SAMD3: variants seen among roughly 807,000 people sequenced by gnomAD.
The protein encoded by SAMD3 is sterile alpha motif domain containing 3.
A neutral mutation model predicts 58.5 loss-of-function variants in SAMD3; 63 were observed. That is an observed-to-expected ratio of 1.08 (90% CI 0.88 to 1.33). SAMD3 has a LOEUF of 1.33. SAMD3 is among the 40% of genes most tolerant of loss of function. The pLI is 0.00. For missense variants in SAMD3, 604 were observed against 608.4 expected (o/e 0.99, Z 0.08); for synonymous variants, 220 against 210.3 (o/e 1.05, Z -0.40).
intron 9 of SAMD3, among the ~76,000 whole-genome samples, chr6:130,152,790 G>T (rs935909088): frequency 1.3e-5 from 2 of 152,116 alleles, no homozygotes; most frequent in African/African-American, 4.8e-5. Context: ...AATACTTGAG[G>T]AATGGTGCGG....
intron 8 of SAMD3, among the ~76,000 whole-genome samples, chr6:130,164,362 T>C (rs1285932094): frequency 1.3e-5 from 2 of 152,198 alleles, no homozygotes; most frequent in East Asian, 3.8e-4. Flanking sequence ...TTTCCTATGT[T>C]CTAAGTGTTC....
intron 2 of SAMD3, among the ~76,000 whole-genome samples, chr6:130,262,043 A>G (rs1383053488): frequency 1.3e-5 from 2 of 149,846 alleles, no homozygotes; most frequent in African/African-American, 5.1e-5. Context: ...AGTCAAAGAG[A>G]GATATATACA....
intron 1 of SAMD3, among the ~76,000 whole-genome samples, chr6:130,360,811 G>A (rs1191141641): frequency 6.6e-6 from 1 of 152,120 alleles, no homozygotes; most frequent in East Asian, 1.9e-4. Flanking sequence ...CACCCAAGGG[G>A]GCCATTTTAG....
chr6:130,332,600 T>C (rs4897412), intron 1 of SAMD3, among the ~76,000 whole-genome samples: 74,003 of 152,112 alleles, frequency 0.49, 22,112 homozygotes, highest in African/African-American at 0.85. Context: ...AGAAAAGTGA[T>C]GGTTGGATTT....
chr6:130,162,355 G>A (rs1043087247), intron 8 of SAMD3: 9 of 686,752 alleles, frequency 1.3e-5, no homozygotes, highest in East Asian at 8.1e-5. Context: ...GTAGTAAGAC[G>A]GCATGGTTAA....
intron 4 of SAMD3, 122 bp downstream of exon 4, chr6:130,214,215 T>A (rs958930739): frequency 1.4e-6 from 1 of 727,094 alleles, no homozygotes. Context: ...AGAAATACCG[T>A]ACATACAATC....
At chr6:130,148,390 G>A (rs896889266) in intron 9 of SAMD3, among the ~76,000 whole-genome samples, 10 of 152,180 alleles carry the variant, frequency 6.6e-5, no homozygotes, top group Non-Finnish European at 1.5e-4. Flanking sequence ...ACAGACTGCC[G>A]TGCCCTCTTG....
At chr6:130,223,089 C>T (rs1796283069), upstream of SAMD3, 4 of 152,136 alleles carry the variant, frequency 2.6e-5, no homozygotes, top group South Asian at 8.3e-4. Context: ...ACATGTTTAC[C>T]ATAATATATC....
At chr6:130,336,448 G>T (rs978840767) in intron 1 of SAMD3, among the ~76,000 whole-genome samples, 1 of 152,180 alleles carries the variant, frequency 6.6e-6, no homozygotes, top group African/African-American at 2.4e-5. Flanking sequence ...AAAAGGAAGA[G>T]AATTTACTAC....
intron 1 of SAMD3, among the ~76,000 whole-genome samples, chr6:130,330,906 GA>G (rs1246754888): frequency 6.6e-6 from 1 of 152,138 alleles, no homozygotes; most frequent in Non-Finnish European, 1.5e-5. Context: ...TTAAGAATCT[GA>G]AAATCAGATT....
rs543824223 is a variant in SAMD3, at chr6:130,184,328, A to G, written c.569+110T>C. On this transcript the variant is annotated intron_variant, in intron 6 of 11. Coordinates refer to ENST00000439090, the MANE Select transcript of SAMD3 (RefSeq NM_001017373.4). ...TTTAAATATTGGGCAATTGGGACCT[A>G]TTACCAATATATCATCCACAATCTG... The G allele has an allele frequency of 3.3e-6, 4 of 1,200,202 alleles. No homozygotes were observed. In the East Asian group the frequency reaches 9.6e-5, roughly 29 times the overall value. The allele number at this position is 1,200,202 out of a possible 1,614,324, so 74.3% of individuals were successfully genotyped here.
At chr6:130,271,389 G>A (rs970047436) in intron 2 of SAMD3, among the ~76,000 whole-genome samples, 1 of 152,086 alleles carries the variant, frequency 6.6e-6, no homozygotes, top group Non-Finnish European at 1.5e-5. Context: ...AAATTTGATT[G>A]GGTTAAAATG....
chr6:130,251,178 T>C (rs1773725507), intron 2 of SAMD3, among the ~76,000 whole-genome samples: 1 of 152,176 alleles, frequency 6.6e-6, no homozygotes. Flanking sequence ...GCATTTCCAT[T>C]ATGGATAGAG....
At chr6:130,289,696 C>T (rs1197017331) in intron 2 of SAMD3, among the ~76,000 whole-genome samples, 1 of 152,148 alleles carries the variant, frequency 6.6e-6, no homozygotes, top group East Asian at 1.9e-4. Flanking sequence ...GATGGGGTTT[C>T]ACCATGTTGG....
chr6:130,187,994 A>G (rs1178689351), intron 5 of SAMD3, among the ~76,000 whole-genome samples: 9 of 152,252 alleles, frequency 5.9e-5, no homozygotes, highest in Admixed American at 3.9e-4. Flanking sequence ...GCTTATGTGT[A>G]GAGCTTATAT....
chr6:130,202,170 T>C (rs1794704897), intron 5 of SAMD3, among the ~76,000 whole-genome samples: 1 of 152,224 alleles, frequency 6.6e-6, no homozygotes, highest in Non-Finnish European at 1.5e-5. Flanking sequence ...AGTTTGGCTC[T>C]AGCTCAAAGC....
At position 130,197,452 on chromosome 6, in the gene SAMD3, T is replaced by C. The variant is rs188939315; in HGVS notation, c.383+12043A>G. Among the ~76,000 whole-genome samples, 59 of 152,320 alleles carry C rather than the reference T, an allele frequency of 3.9e-4. No homozygotes were observed. In the East Asian group the frequency reaches 0.011, roughly 28 times the overall value. On this transcript the variant is annotated intron_variant, in intron 5 of 11. Transcript: ENST00000439090. ...TCTTTGCTGGTAGGACTATGCTGAATCTCCTTAGGCACTCTCTAATCAGAT... is the reference window on the plus strand; with the variant it reads ...TCTTTGCTGGTAGGACTATGCTGAACCTCCTTAGGCACTCTCTAATCAGAT...
intron 2 of SAMD3, among the ~76,000 whole-genome samples, chr6:130,274,719 G>GGAGTTCT (rs1191712365): frequency 3.3e-5 from 5 of 151,334 alleles, no homozygotes; most frequent in Admixed American, 3.3e-4. Flanking sequence ...ATTGGAATCT[G>GGAGTTCT]GAGTTCTGAT....
At chr6:130,324,066 G>T (rs1776676334) in intron 1 of SAMD3, among the ~76,000 whole-genome samples, 1 of 151,922 alleles carries the variant, frequency 6.6e-6, no homozygotes, top group African/African-American at 2.4e-5. Context: ...TATCAATCTT[G>T]CATGATTCAA....
Sources: allele counts gnomAD v4.1 joint callset (sites outside exome capture counted in the v4.1 genomes callset), GRCh38; gene constraint gnomAD v4.1.1; transcripts MANE v1.5; gene names NCBI Gene and HGNC (gene_info 2026-07-23, HGNC 2026-07-21).